CASD1: variants seen among roughly 807,000 people sequenced by gnomAD.
CASD1 encodes N-acetylneuraminate (7)9-O-acetyltransferase.
CASD1 carries 41 observed loss-of-function variants against 100.0 expected under a neutral mutation model. The observed-to-expected ratio is 0.41, with a 90% confidence interval of 0.32 to 0.53. The LOEUF (loss-of-function observed/expected upper bound fraction) is 0.53. Among genes scored for constraint, CASD1 ranks in the 20% least tolerant of loss-of-function variants. CASD1 has a pLI of 0.25. For synonymous variants in CASD1, 321 were observed against 315.6 expected (o/e 1.02, Z -0.18); for missense variants, 774 against 948.7 (o/e 0.82, Z 2.42).
chr7:94,613,627 T>C, the CASD1 span, among the ~76,000 whole-genome samples: 1 of 152,226 alleles, frequency 6.6e-6, no homozygotes, highest in Non-Finnish European at 1.5e-5. Flanking sequence ...CCTTTACATT[T>C]ATAATGTGAA....
chr7:94,510,279 AG>A, intron 1 of CASD1, 62 bp downstream of exon 1: 3 of 1,253,080 alleles, frequency 2.4e-6, no homozygotes, highest in Non-Finnish European at 3.1e-6. Context: ...CGGCGGCTGG[AG>A]GCCGCCCCCA....
chr7:94,510,273 G>T, intron 1 of CASD1, 56 bp downstream of exon 1: 1 of 1,288,670 alleles, frequency 7.8e-7, no homozygotes, highest in Non-Finnish European at 1.0e-6. Flanking sequence ...GCGACGCGGC[G>T]GCTGGAGGCC....
At chr7:94,594,586 A>G in the CASD1 span, 4 of 152,106 alleles carry the variant, frequency 2.6e-5, no homozygotes, top group East Asian at 7.7e-4. Flanking sequence ...AACGAATGAC[A>G]TCTGAAAAAA....
the CASD1 span, among the ~76,000 whole-genome samples, chr7:94,594,951 TC>T: frequency 1.3e-5 from 2 of 152,128 alleles, no homozygotes; most frequent in Non-Finnish European, 2.9e-5. Flanking sequence ...TGCTCCAGCT[TC>T]CCTGTCCACT....
the CASD1 span, chr7:94,598,753 A>G: frequency 6.6e-7 from 1 of 1,508,530 alleles, no homozygotes; most frequent in Non-Finnish European, 9.2e-7. Flanking sequence ...ATTAATAATT[A>G]TGGCTCTAAG....
chr7:94,528,295 T>A (rs2116277303), intron 5 of CASD1, 45 bp downstream of exon 5: 1 of 1,327,304 alleles, frequency 7.5e-7, no homozygotes, highest in Non-Finnish European at 1.0e-6. Context: ...TTATTTTTAT[T>A]CCCTTTACAC....
chr7:94,543,981 T>C (rs1795548549), intron 10 of CASD1, among the ~76,000 whole-genome samples: 1 of 152,156 alleles, frequency 6.6e-6, no homozygotes, highest in Non-Finnish European at 1.5e-5. Flanking sequence ...TATTCCTAAA[T>C]TATGTTTACA....
At chr7:94,607,455 A>T in the CASD1 span, among the ~76,000 whole-genome samples, 1 of 152,194 alleles carries the variant, frequency 6.6e-6, no homozygotes. Flanking sequence ...AATTATACAC[A>T]ATGATCAACT....
downstream of CASD1, chr7:94,557,040 G>C (rs953190012): frequency 1.3e-5 from 2 of 151,876 alleles, no homozygotes; most frequent in Non-Finnish European, 2.9e-5. Context: ...ATTCATGATT[G>C]GTTCAAATAT....
chr7:94,590,944 A>T, the CASD1 span: 2 of 152,142 alleles, frequency 1.3e-5, no homozygotes, highest in Admixed American at 6.6e-5. Flanking sequence ...CACCTTTGAG[A>T]GTTTTTTTTA....
chr7:94,534,253 G>A (rs926476089), intron 7 of CASD1, among the ~76,000 whole-genome samples: 13 of 137,664 alleles, frequency 9.4e-5, no homozygotes, highest in Admixed American at 7.4e-4. Flanking sequence ...TGCAACCTCC[G>A]CCTCCCAGGC....
intron 1 of CASD1, 61 bp downstream of exon 1, chr7:94,510,278 G>A (rs1793624870): frequency 1.6e-6 from 2 of 1,261,512 alleles, no homozygotes; most frequent in South Asian, 1.9e-5. Flanking sequence ...GCGGCGGCTG[G>A]AGGCCGCCCC....
At chr7:94,559,141 ATTTGTTC>A (rs1796295735), downstream of CASD1, among the ~76,000 whole-genome samples, 1 of 152,090 alleles carries the variant, frequency 6.6e-6, no homozygotes, top group Non-Finnish European at 1.5e-5. Flanking sequence ...TAATGGCACT[ATTTGTTC>A]TGCCTTTCCA....
At chr7:94,515,090 T>G (rs1313125992) in intron 1 of CASD1, among the ~76,000 whole-genome samples, 1 of 152,106 alleles carries the variant, frequency 6.6e-6, no homozygotes, top group Non-Finnish European at 1.5e-5. Flanking sequence ...ATTTTTATAA[T>G]TTTGCTGACA....
At chr7:94,617,275 C>T in the CASD1 span, 2 of 152,172 alleles carry the variant, frequency 1.3e-5, no homozygotes, top group African/African-American at 4.8e-5. Flanking sequence ...TTGCTTGGTT[C>T]AATTTAGTTT....
the CASD1 span, among the ~76,000 whole-genome samples, chr7:94,562,626 C>CTT: frequency 6.7e-6 from 1 of 149,516 alleles, no homozygotes; most frequent in Non-Finnish European, 1.5e-5. Flanking sequence ...ATACAGTTTC[C>CTT]TTTTTTTTTT....
the CASD1 span, among the ~76,000 whole-genome samples, chr7:94,572,444 A>C: frequency 6.6e-6 from 1 of 152,060 alleles, no homozygotes; most frequent in Non-Finnish European, 1.5e-5. Context: ...TAGGAATGCT[A>C]GTGATTTTTG....
intron 8 of CASD1, among the ~76,000 whole-genome samples, chr7:94,536,388 A>G (rs892617231): frequency 6.6e-6 from 1 of 152,240 alleles, no homozygotes; most frequent in Non-Finnish European, 1.5e-5. Flanking sequence ...AAATTTTCAC[A>G]AACAGTGGAA....
the CASD1 span, chr7:94,598,990 T>A: frequency 6.4e-7 from 1 of 1,574,232 alleles, no homozygotes; most frequent in Admixed American, 1.7e-5. Flanking sequence ...TAAAACAACA[T>A]ATATTTAAAA....
Sources: allele counts gnomAD v4.1 joint callset (sites outside exome capture counted in the v4.1 genomes callset), GRCh38; gene constraint gnomAD v4.1.1; transcripts MANE v1.5; gene names NCBI Gene and HGNC (gene_info 2026-07-23, HGNC 2026-07-21).